Variants in AUTS2 observed in about 807,000 individuals in gnomAD.
AUTS2 encodes the protein autism susceptibility gene 2 protein.
AUTS2 carries 17 observed loss-of-function variants against 112.4 expected under a neutral mutation model. The ratio of observed to expected loss-of-function variants is 0.15; its 90% confidence interval spans 0.10 to 0.23. The LOEUF is 0.23. Ranked by LOEUF, AUTS2 falls within the 10% of genes least tolerant of loss-of-function variation. The probability of loss-of-function intolerance (pLI) is 1.00; values close to 1 mark genes in which losing one functional copy is unlikely to be tolerated. For synonymous variants in AUTS2, 751 were observed against 702.7 expected, an observed-to-expected ratio of 1.07 and a Z score of -1.09; for missense variants, 1,510 against 1,701.6, an observed-to-expected ratio of 0.89 and a Z score of 1.98.
At chr7:69,664,877 G>T (rs1226222662) in intron 1 of AUTS2, among the ~76,000 whole-genome samples, 3 of 152,192 alleles carry the variant, frequency 2.0e-5, no homozygotes, top group Non-Finnish European at 4.4e-5. Context: ...GGGTTGGCCA[G>T]TAGGGACTAT....
At chr7:69,946,545 AATGTG>A (rs1796816387) in intron 2 of AUTS2, among the ~76,000 whole-genome samples, 1 of 149,422 alleles carries the variant, frequency 6.7e-6, no homozygotes, top group Non-Finnish European at 1.5e-5. Flanking sequence ...GGATAAAGAA[AATGTG>A]ATGTGATACA....
At chr7:69,838,394 C>G (rs1791820565) in intron 1 of AUTS2, among the ~76,000 whole-genome samples, 1 of 152,266 alleles carries the variant, frequency 6.6e-6, no homozygotes, top group African/African-American at 2.4e-5. Flanking sequence ...GCTTGATCTT[C>G]ACAATGACTC....
chr7:70,754,116 G>T (rs941392223), intron 6 of AUTS2, among the ~76,000 whole-genome samples: 1 of 152,122 alleles, frequency 6.6e-6, no homozygotes, highest in Non-Finnish European at 1.5e-5. Context: ...AGCCGAGATC[G>T]CGCCGCTGCA....
intron 4 of AUTS2, among the ~76,000 whole-genome samples, chr7:70,370,355 T>G (rs1043091807): frequency 6.6e-6 from 1 of 152,152 alleles, no homozygotes; most frequent in African/African-American, 2.4e-5. Context: ...CTCTCAGCCC[T>G]AGGTAACCAA....
At chr7:70,505,548 A>G (rs777088942) in intron 5 of AUTS2, among the ~76,000 whole-genome samples, 31 of 152,200 alleles carry the variant, frequency 2.0e-4, no homozygotes, top group Non-Finnish European at 8.8e-5. Context: ...AGTATTTTAA[A>G]TCAAGGGTCA....
chr7:69,918,125 G>C (rs942168263), intron 2 of AUTS2, among the ~76,000 whole-genome samples: 5 of 152,088 alleles, frequency 3.3e-5, no homozygotes, highest in African/African-American at 1.2e-4. Flanking sequence ...ACAGGCTTGA[G>C]CCACCATGCC....
intron 1 of AUTS2, among the ~76,000 whole-genome samples, chr7:69,809,720 A>G (rs1445312386): frequency 2.0e-5 from 3 of 152,194 alleles, no homozygotes; most frequent in Non-Finnish European, 4.4e-5. Flanking sequence ...ATGATCACAT[A>G]CTGGAATGAC....
At chr7:70,394,465 T>C (rs1044603334) in intron 4 of AUTS2, among the ~76,000 whole-genome samples, 2 of 152,218 alleles carry the variant, frequency 1.3e-5, no homozygotes, top group African/African-American at 4.8e-5. Flanking sequence ...AGTCACTCAT[T>C]TGAACTTTGC....
intron 5 of AUTS2, among the ~76,000 whole-genome samples, chr7:70,651,697 A>G (rs1275884010): frequency 6.6e-6 from 1 of 152,198 alleles, no homozygotes; most frequent in Admixed American, 6.5e-5. Flanking sequence ...TACCAGCATA[A>G]AGTCGAAAAA....
chr7:70,417,015 C>T (rs1284968912), intron 4 of AUTS2, among the ~76,000 whole-genome samples: 1 of 152,176 alleles, frequency 6.6e-6, no homozygotes. Context: ...CAGTGGTGGG[C>T]CAGCAGGGCC....
Position 69,713,323 on chromosome 7 carries a change from A to G in AUTS2, c.309+113361A>G, listed in dbSNP as rs530920259. On this transcript the variant is annotated intron_variant, in intron 1 of 18. Coordinates refer to ENST00000342771, the MANE Select transcript of AUTS2 (RefSeq NM_015570.4). ...TGAAATATACAATCCAATATCATTA[A>G]CTATAGTTACCCTATAGTGCAAGAG... 5.9e-5 allele frequency among the ~76,000 whole-genome samples: 9 copies of G among 152,272 alleles called. No individual in the cohort carries two copies. In the East Asian group the frequency reaches 1.4e-3, roughly 23 times the overall value.
At chr7:70,004,605 G>T (rs558923882) in intron 2 of AUTS2, among the ~76,000 whole-genome samples, 1 of 151,128 alleles carries the variant, frequency 6.6e-6, no homozygotes, top group East Asian at 1.9e-4. Flanking sequence ...TCATTGGTGA[G>T]AACAGCAAGG....
At chr7:70,232,671 C>T (rs917308931) in intron 4 of AUTS2, among the ~76,000 whole-genome samples, 3 of 152,156 alleles carry the variant, frequency 2.0e-5, no homozygotes, top group East Asian at 3.9e-4. Context: ...TGAGCCACTG[C>T]GCCCAGCCTG....
chr7:70,411,072 G>A (rs1486389961), intron 4 of AUTS2, among the ~76,000 whole-genome samples: 1 of 151,774 alleles, frequency 6.6e-6, no homozygotes, highest in Non-Finnish European at 1.5e-5. Context: ...ACCATGTTGG[G>A]CAGGCTGGTC....
intron 4 of AUTS2, among the ~76,000 whole-genome samples, chr7:70,300,034 A>T (rs1789135291): frequency 6.6e-6 from 1 of 152,134 alleles, no homozygotes; most frequent in Non-Finnish European, 1.5e-5. Context: ...CATTTTATAG[A>T]TACACACATA....
rs374622705 is a variant in AUTS2 at position 70,777,083 on chromosome 7, G to A, written c.1933-20G>A. 8 of 1,612,754 alleles carry A rather than the reference G, an allele frequency of 5.0e-6. No homozygotes were observed. Among genetic ancestry groups the A allele is most frequent in the African/African-American group, 4.0e-5 (3 of 74,870 alleles). On this transcript the variant is annotated intron_variant, in intron 13 of 18. Coordinates refer to ENST00000342771, the MANE Select transcript of AUTS2 (RefSeq NM_015570.4). ...TCTGAAATGTCTTCCTCCTAACCAC[G>A]TTGCTCTTTCTTGTTCCAGAAACCA...
intron 5 of AUTS2, among the ~76,000 whole-genome samples, chr7:70,648,104 A>G (rs1309705167): frequency 6.6e-6 from 1 of 152,210 alleles, no homozygotes; most frequent in Non-Finnish European, 1.5e-5. Context: ...GAATAATGAT[A>G]GTACTTACCT....
chr7:70,608,660 A>C (rs989356427), intron 5 of AUTS2, among the ~76,000 whole-genome samples: 1 of 152,326 alleles, frequency 6.6e-6, no homozygotes, highest in Admixed American at 6.5e-5. Flanking sequence ...CGTGTCCCAC[A>C]TTCTGTGTGG....
At chr7:70,591,386 TTG>T (rs1215350577) in intron 5 of AUTS2, among the ~76,000 whole-genome samples, 1 of 149,078 alleles carries the variant, frequency 6.7e-6, no homozygotes, top group African/African-American at 2.5e-5. Context: ...TACCCAGTCT[TTG>T]TTTGTTTGTT....
Sources: allele counts gnomAD v4.1 joint callset (sites outside exome capture counted in the v4.1 genomes callset), GRCh38; gene constraint gnomAD v4.1.1; transcripts MANE v1.5; gene names NCBI Gene and HGNC (gene_info 2026-07-23, HGNC 2026-07-21).